Variants in SGCE observed in about 807,000 individuals in gnomAD.
The protein encoded by SGCE is sarcoglycan epsilon.
In SGCE, 26 loss-of-function variants were observed where a neutral mutation model predicts 57.8. The observed-to-expected ratio is 0.45, with a 90% CI of 0.33 to 0.62. The LOEUF (loss-of-function observed/expected upper bound fraction) is 0.62, where lower values mean the gene tolerates loss of function less well. SGCE is among the 20% of genes least tolerant of loss of function. SGCE has a pLI of 0.02. For missense variants in SGCE, 468 were observed against 548.6 expected (o/e 0.85, Z 1.47); for synonymous variants, 183 against 189.5 (o/e 0.97, Z 0.28).
intron 5 of SGCE, chr7:94,617,904 A>G (rs1802173771): frequency 6.6e-6 from 1 of 152,202 alleles, no homozygotes. Flanking sequence ...CCTGTATAAA[A>G]GTGTTTCCAG....
chr7:94,586,061 G>GAAAAAAAAAAAAAAAAAAAAAAAAAA (rs780812386), intron 10 of SGCE, among the ~76,000 whole-genome samples: 1 of 28,908 alleles, frequency 3.5e-5, no homozygotes, highest in Non-Finnish European at 5.9e-5. Context: ...GGAACTAAAT[G>GAAAAAAAAAAAAAAAAAAAAAAAAAA]AAAAAAAAAA....
At chr7:94,638,261 C>G (rs757950307) in intron 1 of SGCE, among the ~76,000 whole-genome samples, 8 of 152,136 alleles carry the variant, frequency 5.3e-5, no homozygotes, top group East Asian at 1.9e-4. Context: ...CTTAGAAATA[C>G]ACAGGTATTT....
chr7:94,628,245 CCATATAGGACTCCATCA>C lies in SGCE; in HGVS notation c.330_346del (p.Ser110ArgfsTer6). ...CCCCACATTTTCAGCTGTTGGGGAC[CCATATAGGACTCCATCA>C]CTATATGGTGTCCTTTGGATATATC... On this transcript the variant is annotated frameshift_variant, in exon 3 of 11. Transcript: ENST00000648936. LOFTEE classifies it high-confidence loss of function. The C allele has an allele frequency of 6.2e-7, 1 of 1,611,890 alleles. No homozygotes were observed. The highest frequency in any genetic ancestry group is 8.5e-7 in the Non-Finnish European group (1 of 1,178,768).
chr7:94,623,634 G>T, intron 3 of SGCE: 1 of 499,526 alleles, frequency 2.0e-6, no homozygotes, highest in South Asian at 3.8e-5. Flanking sequence ...AAATCAGAAA[G>T]ACTCTTTCAT....
chr7:94,613,860 C>T (rs1044170644), intron 5 of SGCE, among the ~76,000 whole-genome samples: 1 of 152,204 alleles, frequency 6.6e-6, no homozygotes, highest in East Asian at 1.9e-4. Flanking sequence ...CAGCACAAAA[C>T]TTCCTGCCTT....
intron 9 of SGCE, among the ~76,000 whole-genome samples, chr7:94,596,468 T>A (rs1798415829): frequency 6.6e-6 from 1 of 152,148 alleles, no homozygotes; most frequent in African/African-American, 2.4e-5. Flanking sequence ...ACAGCACTGT[T>A]TGTTACATTA....
intron 1 of SGCE, among the ~76,000 whole-genome samples, chr7:94,634,385 G>C (rs950357687): frequency 1.3e-5 from 2 of 152,084 alleles, no homozygotes; most frequent in Non-Finnish European, 2.9e-5. Context: ...TGGACTGTTT[G>C]GTTGCCTTGT....
At chr7:94,613,558 AT>A (rs905255132) in intron 5 of SGCE, among the ~76,000 whole-genome samples, 2 of 152,144 alleles carry the variant, frequency 1.3e-5, no homozygotes, top group South Asian at 2.1e-4. Context: ...CTTGTGAAGA[AT>A]TTTTTTTATC....
chr7:94,591,503 A>G (rs576304157), intron 9 of SGCE, among the ~76,000 whole-genome samples: 5 of 152,324 alleles, frequency 3.3e-5, no homozygotes, highest in Admixed American at 6.5e-5. Flanking sequence ...TAAAGAAAAT[A>G]TAGAATGTAG....
At chr7:94,586,825 G>A in intron 10 of SGCE, 1 of 985,176 alleles carries the variant, frequency 1.0e-6, no homozygotes, top group Non-Finnish European at 1.2e-6. Flanking sequence ...AAATGTACCA[G>A]AGGCACAAAC....
chr7:94,597,520 T>C (rs1241342318), intron 9 of SGCE: 2 of 152,050 alleles, frequency 1.3e-5, no homozygotes, highest in African/African-American at 4.8e-5. Context: ...TTTAATATTA[T>C]ATCCTAAGGG....
chr7:94,623,196 A>G, intron 4 of SGCE, 129 bp downstream of exon 4: 1 of 592,180 alleles, frequency 1.7e-6, no homozygotes, highest in South Asian at 2.6e-5. Flanking sequence ...TCTTTTCTAT[A>G]TCTTATTATT....
intron 4 of SGCE, 108 bp from the exon 5 acceptor site, chr7:94,619,064 A>G: frequency 1.3e-6 from 1 of 792,770 alleles, no homozygotes; most frequent in Non-Finnish European, 2.2e-6. Context: ...TCCTGGCAGC[A>G]GGAAGCAATA....
intron 8 of SGCE, 158 bp from the exon 9 acceptor site, chr7:94,599,121 C>G (rs1798841293): frequency 1.7e-6 from 1 of 590,100 alleles, no homozygotes. Flanking sequence ...AGGCATACAT[C>G]TCACATACTT....
chr7:94,587,020 G>A, intron 10 of SGCE: 5 of 982,648 alleles, frequency 5.1e-6, no homozygotes, highest in Non-Finnish European at 6.0e-6. Context: ...AAGGTAATAG[G>A]CTCTAGTGTT....
chr7:94,638,798 T>A (rs1466784953), intron 1 of SGCE, among the ~76,000 whole-genome samples: 1 of 152,154 alleles, frequency 6.6e-6, no homozygotes. Flanking sequence ...TTATAGATAC[T>A]GAAGAAAAAT....
At chr7:94,602,777 T>C (rs1799478951) in intron 6 of SGCE, among the ~76,000 whole-genome samples, 2 of 152,168 alleles carry the variant, frequency 1.3e-5, no homozygotes, top group Non-Finnish European at 2.9e-5. Context: ...GAAAGAAATA[T>C]TATGTTTATG....
chr7:94,606,362 G>C (rs1800141912), intron 5 of SGCE, among the ~76,000 whole-genome samples: 2 of 152,168 alleles, frequency 1.3e-5, no homozygotes, highest in South Asian at 4.1e-4. Context: ...TCACAGCAAG[G>C]AAACTTATCA....
chr7:94,649,866 C>A (rs1340958387), intron 1 of SGCE, among the ~76,000 whole-genome samples: 2 of 152,180 alleles, frequency 1.3e-5, no homozygotes, highest in African/African-American at 4.8e-5. Flanking sequence ...CATTTCTTCA[C>A]CTCTCTCATT....
Sources: gnomAD v4.1 joint callset for allele counts (sites outside exome capture counted in the v4.1 genomes callset) on GRCh38, gnomAD v4.1.1 for gene constraint, MANE v1.5 for transcripts, NCBI Gene and HGNC (gene_info 2026-07-23, HGNC 2026-07-21) for gene names.